The following ERBB4 variants were observed in gnomAD, a reference collection of about 807,000 sequenced individuals.
The protein encoded by ERBB4 is erb-b2 receptor tyrosine kinase 4.
ERBB4 carries 42 observed loss-of-function variants against 158.0 expected under a neutral mutation model. The ratio of observed to expected loss-of-function variants is 0.27; its 90% CI spans 0.21 to 0.34. ERBB4 has a LOEUF of 0.34. ERBB4 is among the 10% of genes least tolerant of loss of function. The pLI is 1.00. For synonymous variants in ERBB4, 583 were observed against 558.7 expected, an observed-to-expected ratio of 1.04 and a Z score of -0.61; for missense variants, 1,333 against 1,624.1, an observed-to-expected ratio of 0.82 and a Z score of 3.08.
chr2:212,240,788 C>T (rs971441153), intron 1 of ERBB4, among the ~76,000 whole-genome samples: 6 of 151,846 alleles, frequency 4.0e-5, no homozygotes, highest in African/African-American at 1.5e-4. Context: ...CCACAACTGT[C>T]CCTTCTTTAT....
At chr2:212,089,581 T>C (rs1433570441) in intron 2 of ERBB4, among the ~76,000 whole-genome samples, 3 of 152,144 alleles carry the variant, frequency 2.0e-5, no homozygotes, top group Non-Finnish European at 4.4e-5. Context: ...TGTTTAAAAG[T>C]ATTTAGCACC....
chr2:211,549,917 C>A (rs1312851742), intron 20 of ERBB4, among the ~76,000 whole-genome samples: 2 of 152,070 alleles, frequency 1.3e-5, no homozygotes, highest in Non-Finnish European at 2.9e-5. Flanking sequence ...TTCAGTATCT[C>A]TAGAAAGAAC....
intron 19 of ERBB4, among the ~76,000 whole-genome samples, chr2:211,581,309 A>C (rs1021063434): frequency 6.6e-6 from 1 of 152,086 alleles, no homozygotes; most frequent in African/African-American, 2.4e-5. Context: ...TAAAAAATTT[A>C]AAAAAAGAAA....
Position 211,404,940 on chromosome 2 carries a change from T to G in ERBB4, c.3135+15501A>C, listed in dbSNP as rs190381095. 5.6e-3 allele frequency among the ~76,000 whole-genome samples: 848 copies of G among 152,252 alleles called. 10 individuals are homozygous for G. The highest frequency in any genetic ancestry group is 0.021 in the South Asian group (103 of 4,826). ...GGAGAAATGAGAGAAGAGACTGATT[T>G]GTGGAAATCAAGGAAGTGGTGAGAA... On this transcript the variant is annotated intron_variant, in intron 25 of 27. Coordinates refer to ENST00000342788, the MANE Select transcript of ERBB4 (RefSeq NM_005235.3).
At chr2:211,607,865 ATTT>A (rs1553589856) in intron 19 of ERBB4, among the ~76,000 whole-genome samples, 2 of 74,220 alleles carry the variant, frequency 2.7e-5, no homozygotes, top group African/African-American at 4.0e-5. Context: ...TTCGCATCAG[ATTT>A]TTTTTTTTTT....
At chr2:211,690,587 C>A (rs2072769937) in intron 12 of ERBB4, among the ~76,000 whole-genome samples, 1 of 152,072 alleles carries the variant, frequency 6.6e-6, no homozygotes, top group Non-Finnish European at 1.5e-5. Flanking sequence ...TCTTTCCAGA[C>A]CAATAGATGA....
chr2:211,624,503 C>T (rs1394896172), intron 17 of ERBB4, among the ~76,000 whole-genome samples: 2 of 152,110 alleles, frequency 1.3e-5, no homozygotes, highest in East Asian at 1.9e-4. Flanking sequence ...ATATAGGTCC[C>T]GGTTCAGCAA....
chr2:212,303,165 T>C (rs1483852177), intron 1 of ERBB4, among the ~76,000 whole-genome samples: 1 of 151,452 alleles, frequency 6.6e-6, no homozygotes, highest in Non-Finnish European at 1.5e-5. Flanking sequence ...CTTAACTGTC[T>C]TTTATAGAAA....
intron 3 of ERBB4, among the ~76,000 whole-genome samples, chr2:211,818,676 A>G (rs1402103589): frequency 6.6e-6 from 1 of 152,124 alleles, no homozygotes; most frequent in African/African-American, 2.4e-5. Flanking sequence ...CTCTTGGAAT[A>G]AATACACTAA....
intron 20 of ERBB4, among the ~76,000 whole-genome samples, chr2:211,437,219 T>C (rs895625227): frequency 1.3e-5 from 2 of 152,218 alleles, no homozygotes; most frequent in African/African-American, 4.8e-5. Context: ...TTTCAAAGAA[T>C]GCATACTTAG....
At chr2:212,012,671 C>T (rs1033304033) in intron 2 of ERBB4, among the ~76,000 whole-genome samples, 8 of 152,298 alleles carry the variant, frequency 5.3e-5, no homozygotes, top group East Asian at 1.9e-4. Flanking sequence ...CCTCAGTCTC[C>T]CAAAGCACTA....
chr2:211,957,213 G>A (rs2081058221), intron 2 of ERBB4, among the ~76,000 whole-genome samples: 1 of 151,996 alleles, frequency 6.6e-6, no homozygotes, highest in South Asian at 2.1e-4. Flanking sequence ...TTTTAAAGAG[G>A]TAATTAGGCT....
At chr2:212,317,223 A>G (rs1235813764) in intron 1 of ERBB4, among the ~76,000 whole-genome samples, 1 of 151,524 alleles carries the variant, frequency 6.6e-6, no homozygotes, top group East Asian at 2.0e-4. Context: ...AACATAGGCT[A>G]AAAGGAACCC....
chr2:212,159,305 G>A (rs1184449943), intron 1 of ERBB4, among the ~76,000 whole-genome samples: 1 of 147,504 alleles, frequency 6.8e-6, no homozygotes, highest in Non-Finnish European at 1.5e-5. Context: ...AGCTAATACA[G>A]ACCAGAATCA....
intron 1 of ERBB4, among the ~76,000 whole-genome samples, chr2:212,425,412 ATATAC>A (rs1560286067): frequency 4.6e-4 from 69 of 148,906 alleles, no homozygotes; most frequent in African/African-American, 1.1e-3. Flanking sequence ...ATATATATGT[ATATAC>A]ACACATATGT....
Position 211,913,651 on chromosome 2 carries a change from GTGTGTGTATGTGTGTA to G in ERBB4, c.421+33763_421+33778del, listed in dbSNP as rs1366731465. Among the ~76,000 whole-genome samples the G allele has an allele frequency of 9.9e-5, 14 of 141,042 alleles. No individual in the cohort carries two copies. The South Asian group carries it at 2.6e-3, about 26-fold the overall frequency. The allele number at this position is 141,042 out of a possible 152,430, so 92.5% of individuals were successfully genotyped here. On this transcript the variant is annotated intron_variant, in intron 3 of 27. Coordinates refer to ENST00000342788, the MANE Select transcript of ERBB4 (RefSeq NM_005235.3). ...TGTGTGTGTGTGTGTGTGTGTGTGT[GTGTGTGTATGTGTGTA>G]TGTGTGTGTGTATGTGTATATATAC...
chr2:212,093,784 T>C (rs1334510478), intron 2 of ERBB4, among the ~76,000 whole-genome samples: 2 of 152,202 alleles, frequency 1.3e-5, no homozygotes, highest in Admixed American at 1.3e-4. Context: ...GCTATTATCA[T>C]GCCATTTGAT....
intron 1 of ERBB4, 21 bp downstream of exon 1, chr2:212,538,428 G>C (rs549871615): frequency 4.3e-6 from 7 of 1,611,002 alleles, no homozygotes; most frequent in East Asian, 2.2e-5. Flanking sequence ...TTCGGCGACC[G>C]GAGTGCCAGA....
intron 1 of ERBB4, among the ~76,000 whole-genome samples, chr2:212,522,545 G>A (rs1262258515): frequency 6.6e-6 from 1 of 151,952 alleles, no homozygotes; most frequent in Non-Finnish European, 1.5e-5. Context: ...AGGGGTAAGA[G>A]CTTAGAATAA....
Sources: gnomAD v4.1 joint callset for allele counts (sites outside exome capture counted in the v4.1 genomes callset) on GRCh38, gnomAD v4.1.1 for gene constraint, MANE v1.5 for transcripts, NCBI Gene and HGNC (gene_info 2026-07-23, HGNC 2026-07-21) for gene names.